Variants in OTC observed in about 807,000 individuals in gnomAD.
OTC encodes the protein ornithine transcarbamylase, mitochondrial.
In OTC, 3 loss-of-function variants were observed where a neutral mutation model predicts 30.3. The ratio of observed to expected loss-of-function variants is 0.10; its 90% CI spans 0.05 to 0.26. OTC has a LOEUF of 0.26. Ranked by LOEUF, OTC falls within the 10% of genes least tolerant of loss-of-function variation. OTC has a pLI of 1.00. For synonymous variants in OTC, 111 were observed against 99.7 expected (o/e 1.11, Z -0.67); for missense variants, 194 against 260.3 (o/e 0.75, Z 1.75).
the OTC span, chrX:38,327,703 C>G: frequency 2.9e-6 from 1 of 349,304 alleles, no homozygotes; most frequent in East Asian, 4.6e-5. Context: ...GCGGCCACGC[C>G]GCGCAGTGAT....
chrX:38,367,072 G>T (rs1365529838), intron 1 of OTC, among the ~76,000 whole-genome samples: 1 of 109,500 alleles, frequency 9.1e-6, no homozygotes, highest in Non-Finnish European at 1.9e-5. Flanking sequence ...CAGCTACTTG[G>T]GTGGCTGAAG....
chrX:38,379,985 ATG>A (rs2068367863), intron 3 of OTC, among the ~76,000 whole-genome samples: 1 of 112,086 alleles, frequency 8.9e-6, no homozygotes. Flanking sequence ...AATTGTTAAT[ATG>A]TTGCCTTCTT....
At chrX:38,415,760 CAGG>C (rs986133208) in intron 9 of OTC, among the ~76,000 whole-genome samples, 5 of 111,739 alleles carry the variant, frequency 4.5e-5, no homozygotes, top group African/African-American at 9.8e-5. Flanking sequence ...GAGGCTGAGG[CAGG>C]AGAATTGCTT....
chrX:38,376,981 A>G (rs1289983202), intron 3 of OTC, among the ~76,000 whole-genome samples: 1 of 112,224 alleles, frequency 8.9e-6, no homozygotes, highest in East Asian at 2.8e-4. Flanking sequence ...ACTGTAGACC[A>G]AGTGGACATA....
chrX:38,407,779 C>G (rs2068522338), intron 6 of OTC, among the ~76,000 whole-genome samples: 1 of 112,089 alleles, frequency 8.9e-6, no homozygotes, highest in Non-Finnish European at 1.9e-5. Context: ...AGCCTTGATG[C>G]TCTTAATCAG....
chrX:38,367,362 G>C lies in OTC; in HGVS notation c.149G>C (p.Gly50Ala), dbSNP rs201802621. 1.2e-5 allele frequency: 14 copies of C among 1,200,157 alleles called. No homozygotes were observed. Among genetic ancestry groups the C allele is most frequent in the Non-Finnish European group, 1.5e-5 (13 of 885,250 alleles). The change falls in exon 2 of 10, where the codon GGA (glycine) becomes GCA (alanine). Residue 50 changes from glycine (G) to alanine (A), a missense_variant. Coordinates refer to ENST00000039007, the MANE Select transcript of OTC (RefSeq NM_000531.6). ...RDLLTLKNFTGEEIKYMLWLS... is the reference protein window; with the variant it reads ...RDLLTLKNFTAEEIKYMLWLS... ...CTTCTCACTCTAAAAAACTTTACCG[G>C]AGAAGAAATTAAATATATGCTATGG...
chrX:38,394,444 T>C (rs989099134), intron 4 of OTC, among the ~76,000 whole-genome samples: 3 of 112,162 alleles, frequency 2.7e-5, no homozygotes, highest in African/African-American at 9.7e-5. Flanking sequence ...CTTATATAAC[T>C]TTCTATAGAT....
At chrX:38,419,355 T>C (rs1285005543) in intron 9 of OTC, among the ~76,000 whole-genome samples, 1 of 112,333 alleles carries the variant, frequency 8.9e-6, no homozygotes, top group East Asian at 2.8e-4. Context: ...AGGATTGTAT[T>C]TTTGATTTAT....
the OTC span, among the ~76,000 whole-genome samples, chrX:38,347,036 A>G: frequency 8.9e-6 from 1 of 112,456 alleles, no homozygotes. Context: ...CCATTTGCAG[A>G]TAAGGAAACT....
the OTC span, among the ~76,000 whole-genome samples, chrX:38,332,170 A>G: frequency 9.2e-6 from 1 of 108,702 alleles, no homozygotes; most frequent in East Asian, 2.9e-4. Flanking sequence ...ATTGTTTCCC[A>G]TCACCCCCAG....
At chrX:38,328,997 T>C in the OTC span, among the ~76,000 whole-genome samples, 1 of 112,776 alleles carries the variant, frequency 8.9e-6, no homozygotes, top group East Asian at 2.8e-4. Flanking sequence ...TAAATTATTT[T>C]GAAAAGGATT....
At chrX:38,357,207 T>C in intron 1 of OTC, among the ~76,000 whole-genome samples, 1 of 112,351 alleles carries the variant, frequency 8.9e-6, no homozygotes, top group Non-Finnish European at 1.9e-5. Context: ...TATTCTTAAA[T>C]CTGGGCTGAA....
At chrX:38,355,778 T>G (rs1203576591) in intron 1 of OTC, among the ~76,000 whole-genome samples, 3 of 112,594 alleles carry the variant, frequency 2.7e-5, no homozygotes, top group Non-Finnish European at 5.6e-5. Flanking sequence ...GGCTCATGCT[T>G]GTAATCCCTG....
upstream of OTC, among the ~76,000 whole-genome samples, chrX:38,350,297 G>A (rs1035938037): frequency 8.9e-6 from 1 of 111,980 alleles, no homozygotes; most frequent in Non-Finnish European, 1.9e-5. Context: ...TTATCACTCT[G>A]TCTCTCAGAA....
rs1468400880 is a variant in OTC, at chrX:38,421,240, G to C, written c.*158G>C. 3 of 469,402 alleles carry C rather than the reference G, an allele frequency of 6.4e-6. No homozygotes were observed. The highest frequency in any genetic ancestry group is 1.1e-5 in the Non-Finnish European group (3 of 264,232). The allele number at this position is 469,402 out of a possible 1,213,427, so 38.7% of individuals were successfully genotyped here. ...TTTGCCATTGTGAAACTTTCCTTAA[G>C]CCTTTAATTTAAGTGCTGATGCACT... On this transcript the variant is annotated 3_prime_UTR_variant, in exon 10 of 10. Coordinates refer to ENST00000039007, the MANE Select transcript of OTC (RefSeq NM_000531.6).
the OTC span, among the ~76,000 whole-genome samples, chrX:38,344,744 TG>T: frequency 8.9e-6 from 1 of 111,745 alleles, no homozygotes. Flanking sequence ...TTAAAAATTT[TG>T]CTTTGTGAAA....
At chrX:38,331,838 T>C in the OTC span, among the ~76,000 whole-genome samples, 3 of 111,223 alleles carry the variant, frequency 2.7e-5, no homozygotes, top group Non-Finnish European at 5.7e-5. Flanking sequence ...TACCTCAGCC[T>C]CCTAAACTGC....
At chrX:38,377,392 A>G (rs113885580) in intron 3 of OTC, among the ~76,000 whole-genome samples, 18,166 of 111,222 alleles carry the variant, frequency 0.16, 1,346 homozygotes, top group Middle Eastern at 0.25. Flanking sequence ...CTAATGATGC[A>G]TCTTAAAGAA....
intron 9 of OTC, among the ~76,000 whole-genome samples, chrX:38,416,483 C>T (rs1003633212): frequency 2.7e-5 from 3 of 111,412 alleles, no homozygotes; most frequent in Non-Finnish European, 5.7e-5. Flanking sequence ...CCTAAAGGGA[C>T]CCTGAAAAAA....
Sources: gnomAD v4.1 joint callset for allele counts (sites outside exome capture counted in the v4.1 genomes callset) on GRCh38, gnomAD v4.1.1 for gene constraint, MANE v1.5 for transcripts, NCBI Gene and HGNC (gene_info 2026-07-23, HGNC 2026-07-21) for gene names.